The following GRIA3 variants were observed in gnomAD, a reference collection of about 807,000 sequenced individuals.
GRIA3 encodes the protein glutamate receptor 3.
In GRIA3, 3 loss-of-function variants were observed where a neutral mutation model predicts 63.0. That is an observed-to-expected ratio of 0.05 (90% CI 0.02 to 0.12). GRIA3 has a LOEUF of 0.12. GRIA3 is among the 10% of genes least tolerant of loss of function. GRIA3 has a pLI of 1.00. For synonymous variants in GRIA3, 274 were observed against 257.9 expected, an observed-to-expected ratio of 1.06 and a Z score of -0.60; for missense variants, 347 against 700.9, an observed-to-expected ratio of 0.50 and a Z score of 5.70.
intron 14 of GRIA3, among the ~76,000 whole-genome samples, chrX:123,480,798 C>T (rs772496811): frequency 3.0e-4 from 34 of 111,629 alleles, no homozygotes; most frequent in Admixed American, 1.7e-3. Flanking sequence ...AATCTCTGTA[C>T]GTAATACTTT....
At position 123,395,032 on chromosome X, in the gene GRIA3, T is replaced by G. The variant is rs1355086037; in HGVS notation, c.815T>G (p.Ile272Ser). ...GGAGCCAACATTACAGGTTTCCAGA[T>G]TGTCAACAATGAAAACCCTATGGTT... The part of the protein sequence containing the change: ...HGGANITGFQ[I>S]VNNENPMVQQ... Residue 272 changes from isoleucine (I) to serine (S), a missense_variant, in exon 6 of 16, where the codon ATT becomes AGT. By Grantham distance (142) the Ile-to-Ser change is moderately radical. Coordinates refer to ENST00000620443, the MANE Select transcript of GRIA3 (RefSeq NM_007325.5). 1.7e-6 allele frequency: 2 copies of G among 1,194,186 alleles called. No individual in the cohort carries two copies. The highest frequency in any genetic ancestry group is 1.1e-6 in the Non-Finnish European group (1 of 879,548).
chrX:123,375,567 C>T (rs1410630750), intron 5 of GRIA3, among the ~76,000 whole-genome samples: 3 of 111,441 alleles, frequency 2.7e-5, no homozygotes, highest in African/African-American at 9.8e-5. Context: ...TTTTTTTAAA[C>T]CCTCTTAAAT....
intron 4 of GRIA3, among the ~76,000 whole-genome samples, chrX:123,339,286 A>G (rs185336279): frequency 3.5e-4 from 39 of 112,438 alleles, no homozygotes; most frequent in African/African-American, 1.2e-3. Context: ...CAACCGCATG[A>G]AAAAGAAAAC....
chrX:123,295,805 T>A (rs2044682257), intron 3 of GRIA3, among the ~76,000 whole-genome samples: 2 of 111,517 alleles, frequency 1.8e-5, no homozygotes, highest in African/African-American at 3.2e-5. Context: ...AACACAGACA[T>A]ACATAGGTCA....
At chrX:123,395,806 C>T (rs1478176338) in intron 6 of GRIA3, among the ~76,000 whole-genome samples, 1 of 111,303 alleles carries the variant, frequency 9.0e-6, no homozygotes, top group African/African-American at 3.3e-5. Context: ...GTTATTCATG[C>T]TACACAAAGG....
At chrX:123,297,537 T>C (rs2044692937) in intron 3 of GRIA3, among the ~76,000 whole-genome samples, 1 of 111,529 alleles carries the variant, frequency 9.0e-6, no homozygotes, top group Non-Finnish European at 1.9e-5. Context: ...CTAATGTTTG[T>C]CTAGTGCTTA....
chrX:123,417,431 T>C lies in GRIA3; in HGVS notation c.1530T>C (p.Thr510=), dbSNP rs904668252. ...GRADIAVAPL[T]ITLVREEVID... Reference sequence around the variant, plus strand: ...CTGATATAGCTGTTGCTCCACTCACTATAACATTGGTCCGTGAAGAAGTCA... The same window carrying C: ...CTGATATAGCTGTTGCTCCACTCACCATAACATTGGTCCGTGAAGAAGTCA... The change falls in exon 11 of 16, where the codon ACT becomes ACC. Residue 510 remains threonine (T), a synonymous_variant. Transcript: ENST00000620443. 1 of 1,203,323 alleles carries C rather than the reference T, an allele frequency of 8.3e-7. No individual in the cohort carries two copies. Among genetic ancestry groups the C allele is most frequent in the South Asian group, 1.8e-5 (1 of 56,685 alleles).
chrX:123,318,966 A>C (rs755686878), intron 3 of GRIA3, among the ~76,000 whole-genome samples: 1 of 112,138 alleles, frequency 8.9e-6, no homozygotes, highest in African/African-American at 3.2e-5. Flanking sequence ...GCAGGAAGCA[A>C]AAGGCACTTC....
rs894039135 is a variant in GRIA3, at chrX:123,479,070, T to A, written c.2325-993T>A. On this transcript the variant is annotated intron_variant, in intron 13 of 15. Coordinates refer to ENST00000620443, the MANE Select transcript of GRIA3 (RefSeq NM_007325.5). ...TGCCCAGTGGCTCTGAATGCAGTCC[T>A]TATGTTTTAAGCAGTGAAGGACTAA... Among the ~76,000 whole-genome samples, 6 of 113,219 alleles carry A rather than the reference T, an allele frequency of 5.3e-5. No individual in the cohort carries two copies. In the South Asian group the frequency reaches 1.8e-3, roughly 34 times the overall value.
chrX:123,447,281 A>C (rs2045707454), intron 12 of GRIA3, among the ~76,000 whole-genome samples: 2 of 108,700 alleles, frequency 1.8e-5, no homozygotes, highest in African/African-American at 7.1e-5. Flanking sequence ...TGTCTCAAAA[A>C]CAAAACAAAA....
intron 5 of GRIA3, among the ~76,000 whole-genome samples, chrX:123,392,769 T>C (rs943362843): frequency 8.9e-6 from 1 of 112,635 alleles, no homozygotes; most frequent in African/African-American, 3.2e-5. Context: ...TGTGATTATC[T>C]ACTCACTATT....
rs182410986 is a variant in GRIA3, at chrX:123,384,416, G to A, written c.751-10552G>A. ...AAGGCGGGTGGATCACCTGAGGTCG[G>A]GAGTTCGAGACCAGCCTGGCCAACA... On this transcript the variant is annotated intron_variant, in intron 5 of 15. Transcript: ENST00000620443. 2.4e-3 allele frequency among the ~76,000 whole-genome samples: 272 copies of A among 111,925 alleles called. 1 individual carries two copies. The highest frequency in any genetic ancestry group is 8.4e-3 in the African/African-American group (259 of 30,803).
At chrX:123,467,333 A>C (rs781390537) in intron 13 of GRIA3, among the ~76,000 whole-genome samples, 1 of 112,395 alleles carries the variant, frequency 8.9e-6, no homozygotes, top group South Asian at 3.7e-4. Context: ...TTATTAGCCA[A>C]CAATGAACAA....
At chrX:123,220,629 G>A (rs1039216549) in intron 2 of GRIA3, among the ~76,000 whole-genome samples, 2 of 111,693 alleles carry the variant, frequency 1.8e-5, no homozygotes, top group Admixed American at 1.9e-4. Flanking sequence ...TGTGCTAAAG[G>A]GAAGCAGAAA....
chrX:123,287,451 T>A (rs5956532), intron 3 of GRIA3, among the ~76,000 whole-genome samples: 40,486 of 109,754 alleles, frequency 0.37, 6,600 homozygotes, highest in African/African-American at 0.63. Flanking sequence ...AGGGTATTCA[T>A]ATAGGAAGAC....
At chrX:123,245,933 G>C (rs2044356690) in intron 2 of GRIA3, among the ~76,000 whole-genome samples, 1 of 111,663 alleles carries the variant, frequency 9.0e-6, no homozygotes, top group Non-Finnish European at 1.9e-5. Context: ...AGAGACTACA[G>C]TGTGGCACTC....
chrX:123,417,920 T>A, intron 11 of GRIA3, 142 bp downstream of exon 11: 1 of 569,930 alleles, frequency 1.8e-6, no homozygotes, highest in Non-Finnish European at 3.0e-6. Flanking sequence ...CAAGCCATTG[T>A]GTTTGCTTAT....
chrX:123,297,930 G>A (rs1287787633), intron 3 of GRIA3, among the ~76,000 whole-genome samples: 2 of 110,118 alleles, frequency 1.8e-5, no homozygotes, highest in Non-Finnish European at 3.8e-5. Flanking sequence ...ATGTGCCTGT[G>A]TGTTCTCATC....
At chrX:123,482,725 C>G (rs1230198777) in intron 14 of GRIA3, 74 bp from the exon 15 acceptor site, 1 of 1,076,750 alleles carries the variant, frequency 9.3e-7, no homozygotes, top group African/African-American at 1.8e-5. Flanking sequence ...CTCCCCTGTA[C>G]TGTTGTAATA....
Sources: allele counts gnomAD v4.1 joint callset (sites outside exome capture counted in the v4.1 genomes callset), GRCh38; gene constraint gnomAD v4.1.1; transcripts MANE v1.5; gene names NCBI Gene and HGNC (gene_info 2026-07-23, HGNC 2026-07-21).